The following JMY variants were observed in gnomAD, a reference collection of about 807,000 sequenced individuals.
JMY encodes the protein junction-mediating and -regulatory protein.
JMY carries 46 observed loss-of-function variants against 103.3 expected under a neutral mutation model. That is an observed-to-expected ratio of 0.45 (90% confidence interval 0.35 to 0.57). The LOEUF (loss-of-function observed/expected upper bound fraction) is 0.57, where lower values mean the gene tolerates loss of function less well. JMY is among the 20% of genes least tolerant of loss of function. The pLI, the probability that JMY is intolerant of heterozygous loss-of-function variation, is 0.00. For missense variants in JMY, 1,238 were observed against 1,255.2 expected (o/e 0.99, Z 0.21); for synonymous variants, 526 against 489.3 (o/e 1.07, Z -0.99).
At chr5:79,308,480 T>C (rs1468973862) in intron 7 of JMY, among the ~76,000 whole-genome samples, 1 of 152,234 alleles carries the variant, frequency 6.6e-6, no homozygotes, top group Admixed American at 6.5e-5. Flanking sequence ...CTTTCTCCAT[T>C]GAATTGTCTT....
intron 1 of JMY, among the ~76,000 whole-genome samples, chr5:79,255,349 G>T (rs1435317765): frequency 6.6e-6 from 1 of 151,952 alleles, no homozygotes; most frequent in Non-Finnish European, 1.5e-5. Context: ...TGCTTGCCTC[G>T]GCCTCCCAAA....
chr5:79,249,835 G>A (rs1018104765), intron 1 of JMY, among the ~76,000 whole-genome samples: 7 of 152,248 alleles, frequency 4.6e-5, no homozygotes, highest in African/African-American at 1.4e-4. Flanking sequence ...CTTGAGTAGA[G>A]GCCATGTGGG....
intron 2 of JMY, chr5:79,284,876 T>C: frequency 6.4e-7 from 1 of 1,567,562 alleles, no homozygotes; most frequent in Non-Finnish European, 8.7e-7. Context: ...TTGGCCCCCT[T>C]TTTGCTGCCT....
chr5:79,256,058 C>G (rs1318932062), intron 1 of JMY, among the ~76,000 whole-genome samples: 1 of 152,246 alleles, frequency 6.6e-6, no homozygotes, highest in Non-Finnish European at 1.5e-5. Context: ...TGGGTCCTTT[C>G]TGGAAGCCAG....
intron 1 of JMY, among the ~76,000 whole-genome samples, chr5:79,273,048 G>T (rs1273005839): frequency 6.6e-6 from 1 of 152,138 alleles, no homozygotes; most frequent in Non-Finnish European, 1.5e-5. Flanking sequence ...CTTCAGTACA[G>T]TCGTATGATT....
intron 7 of JMY, among the ~76,000 whole-genome samples, chr5:79,306,974 T>C (rs1746903179): frequency 6.6e-6 from 1 of 152,246 alleles, no homozygotes; most frequent in Non-Finnish European, 1.5e-5. Flanking sequence ...GTCTTCATAG[T>C]TTTGCCTTTA....
intron 2 of JMY, among the ~76,000 whole-genome samples, chr5:79,282,491 C>T (rs556972616): frequency 6.6e-6 from 1 of 152,242 alleles, no homozygotes; most frequent in African/African-American, 2.4e-5. Flanking sequence ...AGAATGTACA[C>T]ACTTATATAA....
At chr5:79,287,438 A>G (rs1286600513) in intron 2 of JMY, among the ~76,000 whole-genome samples, 5 of 152,214 alleles carry the variant, frequency 3.3e-5, no homozygotes, top group African/African-American at 4.8e-5. Flanking sequence ...CAATCGACTA[A>G]TTACGGATCT....
intron 1 of JMY, among the ~76,000 whole-genome samples, chr5:79,250,220 G>T (rs763787029): frequency 3.9e-5 from 6 of 152,144 alleles, no homozygotes; most frequent in Non-Finnish European, 7.4e-5. Flanking sequence ...CCAAAACAAT[G>T]TCAAAACAAC....
At position 79,314,553 on chromosome 5, in the gene JMY, A is replaced by G. The variant is rs1747147148; in HGVS notation, c.2361A>G (p.Pro787=). 2 of 1,613,992 alleles carry G rather than the reference A, an allele frequency of 1.2e-6. No homozygotes were observed. The highest frequency in any genetic ancestry group is 1.7e-6 in the Non-Finnish European group (2 of 1,180,014). The change falls in exon 9 of 11, where the codon CCA becomes CCG. Residue 787 remains proline (P), a synonymous_variant. Transcript: ENST00000396137. Reference sequence around the variant, plus strand: ...AACTGCCTCCCACTATATCTCTTCCACTTTTGAATAACAACCTCGAACCAT... The same window carrying G: ...AACTGCCTCCCACTATATCTCTTCCGCTTTTGAATAACAACCTCGAACCAT... ...TSELPPTISL[P]LLNNNLEPCS...
chr5:79,265,354 A>T (rs184821875), intron 1 of JMY, among the ~76,000 whole-genome samples: 7 of 152,338 alleles, frequency 4.6e-5, no homozygotes, highest in Admixed American at 1.3e-4. Context: ...GGATATTAAG[A>T]TATTTATTAA....
rs1747675936 is a variant in JMY at position 79,327,131 on chromosome 5, A to G, written c.*5529A>G. On this transcript the variant is annotated 3_prime_UTR_variant, in exon 11 of 11. Coordinates refer to ENST00000396137, the MANE Select transcript of JMY (RefSeq NM_152405.5). ...TGCAATCACCTTTCTCTTGTTGTAC[A>G]TGCAATGTAACAACCTACAGTTTTG... 1 of 152,246 alleles carries G rather than the reference A, an allele frequency of 6.6e-6. No homozygotes were observed. Among genetic ancestry groups the G allele is most frequent in the Non-Finnish European group, 1.5e-5 (1 of 68,056 alleles). 9.4% of individuals were successfully genotyped at this position (152,246 alleles called of 1,614,324 possible).
At chr5:79,305,828 A>G (rs1746864642) in intron 6 of JMY, among the ~76,000 whole-genome samples, 4 of 152,210 alleles carry the variant, frequency 2.6e-5, no homozygotes, top group Admixed American at 2.6e-4. Context: ...TTAACTTGTC[A>G]GAGGGAGCTT....
intron 1 of JMY, among the ~76,000 whole-genome samples, chr5:79,242,043 A>T (rs1159566550): frequency 3.9e-5 from 6 of 152,212 alleles, no homozygotes; most frequent in Admixed American, 3.3e-4. Flanking sequence ...TTTAGATAGT[A>T]AACCTTAATT....
chr5:79,251,742 T>G lies in JMY; in HGVS notation c.1032+14060T>G, dbSNP rs1175209403. Among the ~76,000 whole-genome samples the G allele has an allele frequency of 3.9e-5, 6 of 152,034 alleles. No homozygotes were observed. The East Asian group carries it at 1.2e-3, about 29-fold the overall frequency. ...TATTTCAATTGTCTATTTCAATGAG[T>G]TCAATTGTTGTGATTTTTATTTTTT... On this transcript the variant is annotated intron_variant, in intron 1 of 10. Coordinates refer to ENST00000396137, the MANE Select transcript of JMY (RefSeq NM_152405.5).
Position 79,283,704 on chromosome 5 carries a change from G to C in JMY, c.1206+5621G>C, listed in dbSNP as rs886287367. Reference sequence around the variant, plus strand: ...ATACAGATTCTTGGGCTTCACCTCAGATCTTCTCTACTGAAACTCTAGGAA... The same window carrying C: ...ATACAGATTCTTGGGCTTCACCTCACATCTTCTCTACTGAAACTCTAGGAA... On this transcript the variant is annotated intron_variant, in intron 2 of 10. Coordinates refer to ENST00000396137, the MANE Select transcript of JMY (RefSeq NM_152405.5). 1.1e-4 allele frequency among the ~76,000 whole-genome samples: 16 copies of C among 152,280 alleles called. No homozygotes were observed. The East Asian group carries it at 1.7e-3, about 17-fold the overall frequency.
At chr5:79,240,771 G>A (rs888786451) in intron 1 of JMY, among the ~76,000 whole-genome samples, 1 of 152,190 alleles carries the variant, frequency 6.6e-6, no homozygotes, top group African/African-American at 2.4e-5. Context: ...GATAATGAAA[G>A]TGTATAGGAT....
Position 79,314,478 on chromosome 5 carries a change from A to T in JMY, c.2286A>T (p.Ser762=), listed in dbSNP as rs766991638. 28 of 1,614,096 alleles carry T rather than the reference A, an allele frequency of 1.7e-5. No homozygotes were observed. The highest frequency in any genetic ancestry group is 2.3e-5 in the Non-Finnish European group (27 of 1,180,040). Residue 762 remains serine, a synonymous_variant, in exon 9 of 11, where the codon TCA becomes TCT. Transcript: ENST00000396137. ...GCCTTGTGCAACTTGAAGATACTTC[A>T]TTAACACAACTTGAAGCCACCTCAT... ...PQSLVQLEDT[S]LTQLEATSLP...
chr5:79,237,122 G>A lies in JMY; in HGVS notation c.472G>A (p.Asp158Asn), dbSNP rs1186585480. ...PIPGQKTSEA[D>N]DAAGAAAAAA... is the part of the protein sequence containing the mutation. Reference sequence around the variant, plus strand: ...CCCGGGTCAGAAAACATCTGAAGCCGACGATGCGGCGGGGGCAGCCGCTGC... The same window carrying A: ...CCCGGGTCAGAAAACATCTGAAGCCAACGATGCGGCGGGGGCAGCCGCTGC... The change falls in exon 1 of 11, where the codon GAC becomes AAC. Residue 158 changes from aspartate to asparagine, a missense_variant. Physicochemically the swap from Asp to Asn is conservative, Grantham distance 23 (BLOSUM62 1). Coordinates refer to ENST00000396137, the MANE Select transcript of JMY (RefSeq NM_152405.5). The A allele has an allele frequency of 1.3e-6, 2 of 1,548,840 alleles. No individual in the cohort carries two copies. Among genetic ancestry groups the A allele is most frequent in the Non-Finnish European group, 1.7e-6 (2 of 1,145,934 alleles).
Sources: allele counts gnomAD v4.1 joint callset (sites outside exome capture counted in the v4.1 genomes callset), GRCh38; gene constraint gnomAD v4.1.1; transcripts MANE v1.5; gene names NCBI Gene and HGNC (gene_info 2026-07-23, HGNC 2026-07-21).